ARHGEF3: variants seen among roughly 807,000 people sequenced by gnomAD.
The protein encoded by ARHGEF3 is 59.8 kDA protein.
In ARHGEF3, 28 loss-of-function variants were observed where a neutral mutation model predicts 63.2. That is an observed-to-expected ratio of 0.44 (90% CI 0.33 to 0.61). The LOEUF (loss-of-function observed/expected upper bound fraction) is 0.61. Among genes scored for constraint, ARHGEF3 ranks in the 20% least tolerant of loss-of-function variants. ARHGEF3 has a pLI of 0.03. For missense variants in ARHGEF3, 533 were observed against 659.3 expected, an observed-to-expected ratio of 0.81 and a Z score of 2.10; for synonymous variants, 266 against 254.2, an observed-to-expected ratio of 1.05 and a Z score of -0.44.
At chr3:56,806,178 T>C (rs745962492), upstream of ARHGEF3, among the ~76,000 whole-genome samples, 9 of 152,216 alleles carry the variant, frequency 5.9e-5, no homozygotes, top group East Asian at 1.9e-4. Context: ...TGCTCCACCA[T>C]TGACAGATTG....
intron 4 of ARHGEF3, among the ~76,000 whole-genome samples, chr3:56,860,943 T>C (rs954584688): frequency 5.3e-5 from 8 of 152,298 alleles, no homozygotes; most frequent in African/African-American, 1.7e-4. Flanking sequence ...AAAGAAGATC[T>C]GCCTTTATGA....
intron 3 of ARHGEF3, among the ~76,000 whole-genome samples, chr3:56,942,405 AC>A (rs1406155823): frequency 4.6e-5 from 7 of 152,124 alleles, no homozygotes; most frequent in Admixed American, 1.3e-4. Context: ...CTTTGATGTT[AC>A]TATTGTAATT....
chr3:56,815,253 G>A (rs1404854710), intron 4 of ARHGEF3, among the ~76,000 whole-genome samples: 3 of 151,868 alleles, frequency 2.0e-5, no homozygotes, highest in African/African-American at 7.3e-5. Context: ...ATAGATTCTT[G>A]AACCATATAA....
At chr3:56,793,836 C>T (rs1380966445) in intron 1 of ARHGEF3, among the ~76,000 whole-genome samples, 1 of 152,066 alleles carries the variant, frequency 6.6e-6, no homozygotes, top group African/African-American at 2.4e-5. Context: ...AATCTTTAGT[C>T]TGTCATTTTT....
chr3:57,039,652 T>C (rs1704098068), intron 1 of ARHGEF3, among the ~76,000 whole-genome samples: 1 of 152,218 alleles, frequency 6.6e-6, no homozygotes, highest in South Asian at 2.1e-4. Context: ...TCTGTTCTCC[T>C]GCCTTTTCCA....
chr3:56,867,659 C>G (rs1500714), intron 4 of ARHGEF3, among the ~76,000 whole-genome samples: 18,415 of 151,960 alleles, frequency 0.12, 1,363 homozygotes, highest in Non-Finnish European at 0.16. Context: ...TTCATAGAGA[C>G]AGGGTTTCGT....
intron 1 of ARHGEF3, among the ~76,000 whole-genome samples, chr3:57,076,368 G>A (rs1490594732): frequency 1.3e-5 from 2 of 152,148 alleles, no homozygotes; most frequent in African/African-American, 4.8e-5. Flanking sequence ...CCTTAGTTAT[G>A]GCAGAGAACT....
chr3:56,781,487 C>T (rs1206659063), intron 1 of ARHGEF3, among the ~76,000 whole-genome samples: 1 of 152,086 alleles, frequency 6.6e-6, no homozygotes, highest in East Asian at 1.9e-4. Flanking sequence ...CTCAGGTGAT[C>T]CACCTGCCTT....
At chr3:56,778,939 T>C (rs1305901393) in intron 1 of ARHGEF3, among the ~76,000 whole-genome samples, 2 of 152,178 alleles carry the variant, frequency 1.3e-5, no homozygotes, top group Non-Finnish European at 1.5e-5. Context: ...CTTCAGGCCA[T>C]AGTTTGCTGA....
chr3:56,772,823 T>A (rs1243455431), intron 2 of ARHGEF3, among the ~76,000 whole-genome samples: 1 of 152,186 alleles, frequency 6.6e-6, no homozygotes, highest in African/African-American at 2.4e-5. Context: ...AATGATTCCA[T>A]GAACGTTTGG....
chr3:56,891,207 G>A (rs7627442), intron 3 of ARHGEF3, among the ~76,000 whole-genome samples: 47,020 of 150,082 alleles, frequency 0.31, 8,298 homozygotes, highest in Non-Finnish European at 0.4. Context: ...AAATAGAGAC[G>A]AGATCTCCCT....
At chr3:56,805,261 G>A (rs1163190687), upstream of ARHGEF3, among the ~76,000 whole-genome samples, 1 of 152,050 alleles carries the variant, frequency 6.6e-6, no homozygotes, top group East Asian at 1.9e-4. Context: ...TTTGAGACAG[G>A]TCTCACTTTG....
intron 1 of ARHGEF3, among the ~76,000 whole-genome samples, chr3:57,077,407 C>T (rs1706268943): frequency 6.6e-6 from 1 of 152,086 alleles, no homozygotes; most frequent in African/African-American, 2.4e-5. Context: ...TAAGGGGAAA[C>T]CTCTGGAAAA....
At chr3:56,940,069 G>C (rs1699100571) in intron 3 of ARHGEF3, 1 of 152,108 alleles carries the variant, frequency 6.6e-6, no homozygotes, top group Non-Finnish European at 1.5e-5. Flanking sequence ...TCTGTAGATG[G>C]CTGTGTTTCA....
At chr3:57,052,922 C>G (rs1704736766) in intron 1 of ARHGEF3, among the ~76,000 whole-genome samples, 1 of 152,144 alleles carries the variant, frequency 6.6e-6, no homozygotes, top group Non-Finnish European at 1.5e-5. Context: ...GACAGGGCTG[C>G]CCCAGGCCAT....
intron 2 of ARHGEF3, among the ~76,000 whole-genome samples, chr3:56,967,615 TAATA>T (rs1224677944): frequency 1.1e-5 from 1 of 89,812 alleles, no homozygotes; most frequent in African/African-American, 4.5e-5. Flanking sequence ...ATATGTTACA[TAATA>T]TATATTATAT....
Position 56,729,080 on chromosome 3 carries a change from A to C in ARHGEF3, c.*190T>G, listed in dbSNP as rs1430874052. On this transcript the variant is annotated 3_prime_UTR_variant, in exon 10 of 10. Coordinates refer to ENST00000296315, the MANE Select transcript of ARHGEF3 (RefSeq NM_019555.3). ...TACAACACAGGGTAATAGTTGCCAC[A>C]GATTCCAGCTTACACAGACAGATTG... The C allele has an allele frequency of 2.4e-5, 14 of 577,180 alleles. No homozygotes were observed. In the East Asian group the frequency reaches 3.5e-4, roughly 14 times the overall value. The allele number at this position is 577,180 out of a possible 1,614,324, so 35.8% of individuals were successfully genotyped here.
chr3:56,751,183 G>C (rs1339673238), intron 5 of ARHGEF3, 51 bp from the exon 6 acceptor site: 2 of 1,590,846 alleles, frequency 1.3e-6, no homozygotes, highest in South Asian at 1.1e-5. Context: ...AATATGAACA[G>C]GGCTGGAAGT....
chr3:56,747,194 T>C (rs576547148), intron 6 of ARHGEF3, among the ~76,000 whole-genome samples: 3 of 152,144 alleles, frequency 2.0e-5, no homozygotes, highest in Non-Finnish European at 4.4e-5. Context: ...CCTCACCTTT[T>C]AAAAAGATCT....
Sources: allele counts gnomAD v4.1 joint callset (sites outside exome capture counted in the v4.1 genomes callset), GRCh38; gene constraint gnomAD v4.1.1; transcripts MANE v1.5; gene names NCBI Gene and HGNC (gene_info 2026-07-23, HGNC 2026-07-21).